Variants in ST8SIA6 observed in about 807,000 individuals in gnomAD.
ST8SIA6 encodes the protein alpha-2,8-sialyltransferase 8F.
In ST8SIA6, 39 loss-of-function variants were observed where a neutral mutation model predicts 33.6. The ratio of observed to expected loss-of-function variants is 1.16; its 90% CI spans 0.90 to 1.52. ST8SIA6 has a LOEUF of 1.52. Ranked by LOEUF, ST8SIA6 falls within the 40% of genes most tolerant of loss-of-function variation. ST8SIA6 has a pLI of 0.00. For missense variants in ST8SIA6, 441 were observed against 443.8 expected, an observed-to-expected ratio of 0.99 and a Z score of 0.06; for synonymous variants, 172 against 167.2, an observed-to-expected ratio of 1.03 and a Z score of -0.22.
intron 1 of ST8SIA6, 148 bp from the exon 2 acceptor site, chr10:17,453,805 T>C (rs1381795830): frequency 9.3e-6 from 5 of 538,120 alleles, no homozygotes; most frequent in Admixed American, 4.4e-5. Context: ...TGGAAGAGCC[T>C]TAGGGCGGGA....
At chr10:17,402,499 A>C (rs1031529446) in intron 2 of ST8SIA6, among the ~76,000 whole-genome samples, 1 of 152,224 alleles carries the variant, frequency 6.6e-6, no homozygotes, top group East Asian at 1.9e-4. Flanking sequence ...TTGTGGCACT[A>C]TTCACAATAG....
chr10:17,341,209 A>G (rs1049106452), intron 4 of ST8SIA6, among the ~76,000 whole-genome samples: 1 of 152,242 alleles, frequency 6.6e-6, no homozygotes, highest in South Asian at 2.1e-4. Context: ...ACAGAGATAC[A>G]TACAACTCTA....
intron 2 of ST8SIA6, among the ~76,000 whole-genome samples, chr10:17,423,535 T>A (rs905066194): frequency 6.6e-6 from 1 of 152,196 alleles, no homozygotes; most frequent in Admixed American, 6.5e-5. Flanking sequence ...ATTAATAATC[T>A]TCTCACACAC....
chr10:17,407,318 C>A (rs1320823083), intron 2 of ST8SIA6, among the ~76,000 whole-genome samples: 2 of 152,180 alleles, frequency 1.3e-5, no homozygotes, highest in African/African-American at 2.4e-5. Context: ...GCTGAGACCA[C>A]CAACCCTCTG....
chr10:17,353,409 A>G (rs914971369), intron 4 of ST8SIA6, among the ~76,000 whole-genome samples: 1 of 152,198 alleles, frequency 6.6e-6, no homozygotes, highest in African/African-American at 2.4e-5. Flanking sequence ...TAAATGTCAT[A>G]TAGCTGAAAC....
intron 4 of ST8SIA6, among the ~76,000 whole-genome samples, chr10:17,333,692 T>TATATATATAG (rs1848383232): frequency 3.4e-5 from 1 of 29,104 alleles, no homozygotes; most frequent in African/African-American, 1.7e-4. Flanking sequence ...TATATATATA[T>TATATATATAG]ATATATATAT....
chr10:17,426,485 A>T (rs962235239), intron 2 of ST8SIA6, among the ~76,000 whole-genome samples: 4 of 152,232 alleles, frequency 2.6e-5, no homozygotes, highest in Non-Finnish European at 5.9e-5. Context: ...CAAGTGGGAA[A>T]AAGAGCTGGC....
At chr10:17,344,711 C>T (rs1463532612) in intron 4 of ST8SIA6, among the ~76,000 whole-genome samples, 1 of 152,134 alleles carries the variant, frequency 6.6e-6, no homozygotes, top group Non-Finnish European at 1.5e-5. Context: ...TGAATGTTCC[C>T]AGCTATATTC....
At position 17,372,455 on chromosome 10, in the gene ST8SIA6, A is replaced by G. The variant is rs1002219762; in HGVS notation, c.291-12855T>C. On this transcript the variant is annotated intron_variant, in intron 3 of 7. Transcript: ENST00000377602. ...ATAGTTAGAATTTTATCCAAATCCCAGCTCTGCTATTTGTAACTGGCTGAT... is the reference window on the plus strand; with the variant it reads ...ATAGTTAGAATTTTATCCAAATCCCGGCTCTGCTATTTGTAACTGGCTGAT... Among the ~76,000 whole-genome samples the G allele has an allele frequency of 3.9e-5, 6 of 152,210 alleles. No individual in the cohort carries two copies. The South Asian group carries it at 1.0e-3, about 26-fold the overall frequency.
chr10:17,371,243 G>A (rs1849722405), intron 3 of ST8SIA6, among the ~76,000 whole-genome samples: 1 of 152,198 alleles, frequency 6.6e-6, no homozygotes, highest in Non-Finnish European at 1.5e-5. Flanking sequence ...ACATCAGTGT[G>A]AGACAGACTA....
intron 3 of ST8SIA6, among the ~76,000 whole-genome samples, chr10:17,372,829 C>T (rs1344462521): frequency 6.6e-6 from 1 of 152,190 alleles, no homozygotes; most frequent in Non-Finnish European, 1.5e-5. Context: ...GAAAGTCACA[C>T]ATTATTTCTG....
At chr10:17,382,401 G>A (rs914277159) in intron 3 of ST8SIA6, among the ~76,000 whole-genome samples, 2 of 152,138 alleles carry the variant, frequency 1.3e-5, no homozygotes, top group Non-Finnish European at 2.9e-5. Flanking sequence ...GAGTAGCTGG[G>A]ACTACAGGTC....
chr10:17,380,808 AATGT>A lies in ST8SIA6; in HGVS notation c.290+9719_290+9722del, dbSNP rs1032249127. On this transcript the variant is annotated intron_variant, in intron 3 of 7. Transcript: ENST00000377602. ...GTGTGTATGTGTACATGTTTGTGTGAATGTATGTGTACGTTTGTGTGTTTGTATG... is the reference window on the plus strand; with the variant it reads ...GTGTGTATGTGTACATGTTTGTGTGAATGTGTACGTTTGTGTGTTTGTATG... Among the ~76,000 whole-genome samples, 49 of 135,510 alleles carry A rather than the reference AATGT, an allele frequency of 3.6e-4. 1 individual carries two copies. The highest frequency in any genetic ancestry group is 3.0e-3 in the Admixed American group (39 of 12,892). 88.9% of individuals were successfully genotyped at this position (135,510 alleles called of 152,430 possible).
chr10:17,372,085 A>G (rs1849755098), intron 3 of ST8SIA6, among the ~76,000 whole-genome samples: 1 of 152,146 alleles, frequency 6.6e-6, no homozygotes, highest in African/African-American at 2.4e-5. Flanking sequence ...TTAATATTTA[A>G]TGTACGACTA....
chr10:17,436,294 AT>A (rs1006952045), intron 2 of ST8SIA6, among the ~76,000 whole-genome samples: 2 of 152,058 alleles, frequency 1.3e-5, no homozygotes, highest in African/African-American at 2.4e-5. Context: ...GGGGGAGGTA[AT>A]TGAATCATGG....
chr10:17,359,122 A>G (rs1012330464), intron 4 of ST8SIA6, among the ~76,000 whole-genome samples: 1 of 152,210 alleles, frequency 6.6e-6, no homozygotes, highest in Non-Finnish European at 1.5e-5. Context: ...CTGGTAGAAA[A>G]CAAAAGTTGT....
intron 4 of ST8SIA6, among the ~76,000 whole-genome samples, chr10:17,333,717 A>ATATATATAGATATATATATATATTTTT (rs1251981910): frequency 3.0e-5 from 1 of 33,754 alleles, no homozygotes; most frequent in African/African-American, 1.7e-4. Context: ...ATATATATAT[A>ATATATATAGATATATATATATATTTTT]TTTTTTTTTT....
intron 4 of ST8SIA6, among the ~76,000 whole-genome samples, chr10:17,346,553 C>T (rs888492305): frequency 6.6e-6 from 1 of 152,080 alleles, no homozygotes; most frequent in Non-Finnish European, 1.5e-5. Context: ...GTGATGGTGC[C>T]ACTGCATACC....
chr10:17,318,326 C>T lies in ST8SIA6; in HGVS notation c.*2552G>A, dbSNP rs1847840107. ...TACCTCCTGGGCTCCAGTGAACCTC[C>T]CTCCTTAGCCTCCCAAGTAGCTGGG... On this transcript the variant is annotated 3_prime_UTR_variant, in exon 8 of 8. Transcript: ENST00000377602. The T allele has an allele frequency of 4.6e-6, 1 of 219,628 alleles. No individual in the cohort carries two copies. Among genetic ancestry groups the T allele is most frequent in the African/African-American group, 2.3e-5 (1 of 43,002 alleles). The allele number at this position is 219,628 out of a possible 1,614,324, so 13.6% of individuals were successfully genotyped here. A position where few individuals can be genotyped will look rare whatever the true frequency, so the allele number is the denominator to read the frequency against.
Sources: allele counts gnomAD v4.1 joint callset (sites outside exome capture counted in the v4.1 genomes callset), GRCh38; gene constraint gnomAD v4.1.1; transcripts MANE v1.5; gene names NCBI Gene and HGNC (gene_info 2026-07-23, HGNC 2026-07-21).